Variants in RHCE observed in about 807,000 individuals in gnomAD.
The protein encoded by RHCE is Rh blood group CcEe antigens, also known as blood group Rh(CE) polypeptide.
Under a neutral mutation model 43.8 loss-of-function variants are expected in RHCE, and 22 were observed. That is an observed-to-expected ratio of 0.50 (90% CI 0.36 to 0.72). The LOEUF is 0.72. RHCE is among the 30% of genes least tolerant of loss of function. RHCE has a pLI of 0.00. For missense variants in RHCE, 385 were observed against 525.4 expected, an observed-to-expected ratio of 0.73 and a Z score of 2.61; for synonymous variants, 156 against 210.7, an observed-to-expected ratio of 0.74 and a Z score of 2.25.
chr1:25,379,711 G>C (rs1226022352), intron 7 of RHCE, among the ~76,000 whole-genome samples: 4 of 145,200 alleles, frequency 2.8e-5, no homozygotes, highest in African/African-American at 1.0e-4. Context: ...GTCTCACTCT[G>C]TTGCCCTGGC....
chr1:25,388,893 T>C (rs1646266534), intron 6 of RHCE, 83 bp downstream of exon 6: 1 of 1,603,848 alleles, frequency 6.2e-7, no homozygotes. Context: ...AATGCAGCTG[T>C]GCACTGCACA....
At chr1:25,412,377 G>A (rs1647108136) in intron 1 of RHCE, among the ~76,000 whole-genome samples, 2 of 152,274 alleles carry the variant, frequency 1.3e-5, no homozygotes, top group Admixed American at 1.3e-4. Flanking sequence ...AAGATGGGGA[G>A]AGGAGAGTTG....
chr1:25,367,972 C>A (rs1489810512), intron 9 of RHCE, among the ~76,000 whole-genome samples: 1 of 150,286 alleles, frequency 6.7e-6, no homozygotes, highest in Non-Finnish European at 1.5e-5. Context: ...GAGACCCTGT[C>A]TCAAACAAAA....
intron 8 of RHCE, among the ~76,000 whole-genome samples, chr1:25,373,237 C>G (rs538188185): frequency 2.2e-4 from 34 of 151,544 alleles, no homozygotes; most frequent in Non-Finnish European, 5.9e-5. Context: ...AAAAGACCCC[C>G]GGGTACTTTG....
upstream of RHCE, among the ~76,000 whole-genome samples, chr1:25,423,922 ACTC>A (rs1397035368): frequency 1.3e-5 from 2 of 151,884 alleles, no homozygotes; most frequent in African/African-American, 4.8e-5. Context: ...TGTCTGAAAC[ACTC>A]CTCCTACCAG....
At chr1:25,422,698 T>C (rs1198041290), upstream of RHCE, among the ~76,000 whole-genome samples, 1 of 152,162 alleles carries the variant, frequency 6.6e-6, no homozygotes, top group Non-Finnish European at 1.5e-5. Context: ...TTTGACCACT[T>C]AACTGTAGCC....
Position 25,378,297 on chromosome 1 carries a change from A to T in RHCE, c.1074-2869T>A, listed in dbSNP as rs190306817. On this transcript the variant is annotated intron_variant, in intron 7 of 9. Coordinates refer to ENST00000294413, the MANE Select transcript of RHCE (RefSeq NM_020485.8). Reference sequence around the variant, plus strand: ...CTGTGTGAATACTGTATAACTCAACAATTTCACTTCTAGGCATATAATCAA... The same window carrying T: ...CTGTGTGAATACTGTATAACTCAACTATTTCACTTCTAGGCATATAATCAA... Among the ~76,000 whole-genome samples, 609 of 152,356 alleles carry T rather than the reference A, an allele frequency of 4.0e-3. 2 individuals carry two copies. The highest frequency in any genetic ancestry group is 0.013 in the African/African-American group (550 of 41,584).
At chr1:25,420,203 G>A (rs1490437422) in intron 1 of RHCE, among the ~76,000 whole-genome samples, 1 of 151,814 alleles carries the variant, frequency 6.6e-6, no homozygotes, top group South Asian at 2.1e-4. Flanking sequence ...AGAAATGAGC[G>A]AGAGGCCACA....
chr1:25,387,246 T>A (rs1455985751), intron 6 of RHCE, among the ~76,000 whole-genome samples: 1 of 152,152 alleles, frequency 6.6e-6, no homozygotes, highest in Non-Finnish European at 1.5e-5. Context: ...ATTCCCCATG[T>A]CTCTGCCTGG....
At chr1:25,406,407 GGTTCAAGTGA>G (rs1646922835) in intron 2 of RHCE, among the ~76,000 whole-genome samples, 1 of 119,356 alleles carries the variant, frequency 8.4e-6, no homozygotes. Context: ...CCGCCTCCCG[GGTTCAAGTGA>G]TTCGCCTGCC....
intron 8 of RHCE, among the ~76,000 whole-genome samples, chr1:25,372,169 G>A (rs1220150825): frequency 6.6e-6 from 1 of 151,718 alleles, no homozygotes; most frequent in Non-Finnish European, 1.5e-5. Flanking sequence ...TAGCCGTGGA[G>A]GGTTGTTGGT....
At chr1:25,377,324 G>C (rs923607894) in intron 7 of RHCE, among the ~76,000 whole-genome samples, 2 of 151,888 alleles carry the variant, frequency 1.3e-5, no homozygotes, top group Admixed American at 6.6e-5. Flanking sequence ...AGCCTCCCGA[G>C]TAGCTGAGAC....
chr1:25,369,461 C>G (rs138102535), intron 9 of RHCE, among the ~76,000 whole-genome samples: 1 of 151,698 alleles, frequency 6.6e-6, no homozygotes, highest in Admixed American at 6.6e-5. Context: ...CAGAGTGCTG[C>G]GTGAACTATG....
chr1:25,397,742 C>T (rs886198964), intron 3 of RHCE, among the ~76,000 whole-genome samples: 2 of 150,576 alleles, frequency 1.3e-5, no homozygotes, highest in South Asian at 2.1e-4. Flanking sequence ...CTTGACCGCT[C>T]GTCTCTTTCC....
chr1:25,379,165 T>C (rs1030566500), intron 7 of RHCE, among the ~76,000 whole-genome samples: 3 of 151,780 alleles, frequency 2.0e-5, no homozygotes, highest in Non-Finnish European at 4.4e-5. Context: ...TGCTGTGCCA[T>C]AACATGGCAG....
chr1:25,394,687 C>T (rs2375322), intron 3 of RHCE, among the ~76,000 whole-genome samples: 4 of 152,172 alleles, frequency 2.6e-5, no homozygotes, highest in Non-Finnish European at 5.9e-5. Flanking sequence ...AAATAAATAT[C>T]TGTGAAGTGA....
At chr1:25,390,657 A>G in intron 5 of RHCE, 92 bp downstream of exon 5, 2 of 1,463,964 alleles carry the variant, frequency 1.4e-6, no homozygotes, top group Non-Finnish European at 1.9e-6. Flanking sequence ...GCCCTCTCCC[A>G]ACCCACGCTG....
rs201773932 is a variant in RHCE, at chr1:25,388,797, C to G, written c.939+179G>C. Among the ~76,000 whole-genome samples the G allele has an allele frequency of 1.6e-4, 24 of 152,290 alleles. No homozygotes were observed. The East Asian group carries it at 2.5e-3, about 16-fold the overall frequency. ...CAAATGGGTTCTGCCACCTGCTCCCCAGCATCTTAACAAATGTGCCACCGA... is the reference window on the plus strand; with the variant it reads ...CAAATGGGTTCTGCCACCTGCTCCCGAGCATCTTAACAAATGTGCCACCGA... On this transcript the variant is annotated intron_variant, in intron 6 of 9. Coordinates refer to ENST00000294413, the MANE Select transcript of RHCE (RefSeq NM_020485.8).
intron 2 of RHCE, among the ~76,000 whole-genome samples, chr1:25,427,141 T>C (rs2042810769): frequency 6.6e-6 from 1 of 152,104 alleles, no homozygotes; most frequent in African/African-American, 2.4e-5. Context: ...TTTTCTGTGA[T>C]TCTTACAGGG....
Sources: gnomAD v4.1 joint callset for allele counts (sites outside exome capture counted in the v4.1 genomes callset) on GRCh38, gnomAD v4.1.1 for gene constraint, MANE v1.5 for transcripts, NCBI Gene and HGNC (gene_info 2026-07-23, HGNC 2026-07-21) for gene names.